RGMA: variants seen among roughly 807,000 people sequenced by gnomAD.
RGMA encodes repulsive guidance molecule BMP co-receptor a, also known as repulsive guidance molecule A.
Under a neutral mutation model 23.2 loss-of-function variants are expected in RGMA, and 10 were observed. The ratio of observed to expected loss-of-function variants is 0.43; its 90% confidence interval spans 0.27 to 0.73. The LOEUF (loss-of-function observed/expected upper bound fraction) is 0.73. Among genes scored for constraint, RGMA ranks in the 30% least tolerant of loss-of-function variants. The pLI is 0.20. For synonymous variants in RGMA, 308 were observed against 279.3 expected, an observed-to-expected ratio of 1.10 and a Z score of -1.03; for missense variants, 547 against 630.5, an observed-to-expected ratio of 0.87 and a Z score of 1.42.
In RGMA at chr15:93,082,189, G is replaced by T. The variant is rs143750557; in HGVS notation, c.14+6730C>A. 3.8e-3 allele frequency among the ~76,000 whole-genome samples: 581 copies of T among 152,274 alleles called. 1 individual carries two copies. The highest frequency in any genetic ancestry group is 6.3e-3 in the Non-Finnish European group (428 of 68,032). On this transcript the variant is annotated intron_variant, in intron 1 of 3. Coordinates refer to ENST00000329082, the MANE Select transcript of RGMA (RefSeq NM_020211.3). ...TATCATGGACAGGAACTATTGTTTG[G>T]ACTACAATAGTGCCTACTATGTGCC...
At position 93,053,203 on chromosome 15, in the gene RGMA, C is replaced by T. The variant is rs748816002; in HGVS notation, c.131-696G>A. 5.3e-5 allele frequency among the ~76,000 whole-genome samples: 8 copies of T among 152,190 alleles called. 1 individual carries two copies. Among genetic ancestry groups the T allele is most frequent in the African/African-American group, 1.9e-4 (8 of 41,432 alleles). On this transcript the variant is annotated intron_variant, in intron 2 of 3. Coordinates refer to ENST00000329082, the MANE Select transcript of RGMA (RefSeq NM_020211.3). ...CTGAGAAGCAACTGAGAGTAGTAAC[C>T]TTGGATCCCTCACAAGCTTTGAGAC...
At chr15:93,052,964 C>T (rs1367405663) in intron 2 of RGMA, among the ~76,000 whole-genome samples, 1 of 152,210 alleles carries the variant, frequency 6.6e-6, no homozygotes, top group Non-Finnish European at 1.5e-5. Flanking sequence ...AAATGGCCTC[C>T]CGTCTCTGTG....
chr15:93,064,349 C>T (rs1895070850), intron 2 of RGMA, among the ~76,000 whole-genome samples: 1 of 152,226 alleles, frequency 6.6e-6, no homozygotes, highest in African/African-American at 2.4e-5. Flanking sequence ...TGCAGGTGAG[C>T]ACTTTGGTCC....
intron 3 of RGMA, among the ~76,000 whole-genome samples, chr15:93,048,842 G>A (rs1208610843): frequency 6.6e-6 from 1 of 151,420 alleles, no homozygotes; most frequent in Non-Finnish European, 1.5e-5. Context: ...TCCTGCCATG[G>A]GGGGAGGATG....
intron 2 of RGMA, among the ~76,000 whole-genome samples, chr15:93,057,947 A>G (rs532554052): frequency 1.5e-4 from 23 of 152,244 alleles, no homozygotes; most frequent in Middle Eastern, 3.4e-3. Context: ...TTCCTGACAG[A>G]GAGCACTCGG....
intron 2 of RGMA, among the ~76,000 whole-genome samples, chr15:93,069,744 C>G (rs59620845): frequency 0.016 from 2,489 of 152,294 alleles, 73 homozygotes; most frequent in African/African-American, 0.057. Context: ...CATTTCTAAC[C>G]AGTTCCCAAG....
chr15:93,050,290 C>T (rs1204521804), intron 3 of RGMA, among the ~76,000 whole-genome samples: 4 of 152,338 alleles, frequency 2.6e-5, no homozygotes, highest in East Asian at 1.9e-4. Flanking sequence ...ACCTGAGTAA[C>T]GGAGGCCTGA....
At chr15:93,070,899 G>A (rs1328908363) in intron 2 of RGMA, among the ~76,000 whole-genome samples, 1 of 152,178 alleles carries the variant, frequency 6.6e-6, no homozygotes, top group African/African-American at 2.4e-5. Flanking sequence ...AGCCTATGGC[G>A]GGATGCTTTA....
chr15:93,065,615 C>A (rs1235617687), intron 2 of RGMA: 1 of 835,902 alleles, frequency 1.2e-6, no homozygotes, highest in East Asian at 3.5e-5. Flanking sequence ...GGGGTCCCCA[C>A]TGTTGATAGG....
At chr15:93,071,060 G>A (rs1005075068) in intron 2 of RGMA, among the ~76,000 whole-genome samples, 2 of 152,138 alleles carry the variant, frequency 1.3e-5, no homozygotes, top group African/African-American at 4.8e-5. Context: ...CTTTAAGAGC[G>A]GGAAGGTGTT....
intron 1 of RGMA, among the ~76,000 whole-genome samples, chr15:93,077,170 A>C (rs1396043161): frequency 6.6e-6 from 1 of 152,188 alleles, no homozygotes; most frequent in Non-Finnish European, 1.5e-5. Flanking sequence ...GAAGCTGGAG[A>C]AACAGAGCAA....
intron 3 of RGMA, among the ~76,000 whole-genome samples, chr15:93,051,017 G>A (rs1039381475): frequency 6.6e-6 from 1 of 152,168 alleles, no homozygotes; most frequent in African/African-American, 2.4e-5. Context: ...GGAGTGTACC[G>A]GCTGCAAGTC....
chr15:93,053,146 G>A (rs1002877985), intron 2 of RGMA, among the ~76,000 whole-genome samples: 1 of 152,188 alleles, frequency 6.6e-6, no homozygotes, highest in Non-Finnish European at 1.5e-5. Flanking sequence ...GCTGACCATA[G>A]CCCCATCCTC....
At chr15:93,071,724 C>G (rs1268948194) in intron 2 of RGMA, among the ~76,000 whole-genome samples, 1 of 152,250 alleles carries the variant, frequency 6.6e-6, no homozygotes, top group African/African-American at 2.4e-5. Context: ...TTTGCCAGTT[C>G]CTTGAAACCC....
chr15:93,073,155 G>A (rs1895394094), intron 1 of RGMA, 124 bp from the exon 2 acceptor site: 4 of 1,253,818 alleles, frequency 3.2e-6, no homozygotes, highest in Non-Finnish European at 4.0e-6. Context: ...GGCGCCCGGC[G>A]CGCTCCCCTT....
At position 93,046,857 on chromosome 15, in the gene RGMA, G is replaced by A. The variant is rs144877260; in HGVS notation, c.646-1152C>T. Among the ~76,000 whole-genome samples, 472 of 152,126 alleles carry A rather than the reference G, an allele frequency of 3.1e-3. 2 individuals are homozygous for A. Among genetic ancestry groups the A allele is most frequent in the Non-Finnish European group, 5.4e-3 (368 of 67,984 alleles). ...CTTTCTGCTGGAGCCTGTGGCCAGG[G>A]GTGAGGGGCTGGACTGAGCTGCTGG... On this transcript the variant is annotated intron_variant, in intron 3 of 3. Coordinates refer to ENST00000329082, the MANE Select transcript of RGMA (RefSeq NM_020211.3).
intron 1 of RGMA, chr15:93,073,970 G>C (rs1895426015): frequency 7.0e-7 from 1 of 1,423,072 alleles, no homozygotes; most frequent in South Asian, 1.5e-5. Context: ...GGCTGCACTT[G>C]GGAGGGCTTC....
intron 2 of RGMA, among the ~76,000 whole-genome samples, chr15:93,056,425 C>T (rs966756072): frequency 1.3e-5 from 2 of 152,170 alleles, no homozygotes; most frequent in South Asian, 4.1e-4. Context: ...TTCACTTCTC[C>T]GTTCCACATG....
At chr15:93,080,074 C>A (rs1342137062) in intron 1 of RGMA, among the ~76,000 whole-genome samples, 1 of 151,984 alleles carries the variant, frequency 6.6e-6, no homozygotes, top group Admixed American at 6.6e-5. Flanking sequence ...GAAGAAAAAA[C>A]TACCAAAAAT....
Sources: gnomAD v4.1 joint callset for allele counts (sites outside exome capture counted in the v4.1 genomes callset) on GRCh38, gnomAD v4.1.1 for gene constraint, MANE v1.5 for transcripts, NCBI Gene and HGNC (gene_info 2026-07-23, HGNC 2026-07-21) for gene names.